The following MORC1 variants were observed in gnomAD, a reference collection of about 807,000 sequenced individuals.
MORC1 encodes MORC family CW-type zinc finger 1.
Under a neutral mutation model 134.9 loss-of-function variants are expected in MORC1, and 59 were observed. That is an observed-to-expected ratio of 0.44 (90% CI 0.35 to 0.54). MORC1 has a LOEUF of 0.54. Among genes scored for constraint, MORC1 ranks in the 20% least tolerant of loss-of-function variants. MORC1 has a pLI of 0.00. For synonymous variants in MORC1, 395 were observed against 391.7 expected, an observed-to-expected ratio of 1.01 and a Z score of -0.10; for missense variants, 947 against 1,134.5, an observed-to-expected ratio of 0.83 and a Z score of 2.37.
intron 23 of MORC1, among the ~76,000 whole-genome samples, chr3:108,982,740 A>G (rs1338770950): frequency 6.8e-6 from 1 of 147,276 alleles, no homozygotes; most frequent in African/African-American, 2.5e-5. Context: ...AAAAAAAAAA[A>G]AGAAGAAGAA....
chr3:109,007,018 T>A lies in MORC1; in HGVS notation c.1767+11A>T. Reference sequence around the variant, plus strand: ...TGACACAAATTGCTTAATCCTATATTAATTACTCACCTTATGTGCTGAAGT... The same window carrying A: ...TGACACAAATTGCTTAATCCTATATAAATTACTCACCTTATGTGCTGAAGT... On this transcript the variant is annotated intron_variant, in intron 18 of 27. Coordinates refer to ENST00000232603, the MANE Select transcript of MORC1 (RefSeq NM_014429.4). 6.2e-7 allele frequency: 1 copy of A among 1,603,134 alleles called. No individual in the cohort carries two copies. Among genetic ancestry groups the A allele is most frequent in the Non-Finnish European group, 8.5e-7 (1 of 1,173,170 alleles).
At chr3:109,010,322 T>G (rs13093779) in intron 17 of MORC1, among the ~76,000 whole-genome samples, 3,470 of 152,314 alleles carry the variant, frequency 0.023, 61 homozygotes, top group Middle Eastern at 0.11. Context: ...ATTTCATTTC[T>G]TCTGTTTAAG....
chr3:109,049,716 T>C (rs936409081), intron 14 of MORC1, among the ~76,000 whole-genome samples: 1 of 152,140 alleles, frequency 6.6e-6, no homozygotes, highest in African/African-American at 2.4e-5. Flanking sequence ...AAAACTTTAA[T>C]GGTAAGGGGG....
chr3:108,987,857 A>G (rs936996587), intron 21 of MORC1, among the ~76,000 whole-genome samples: 1 of 151,926 alleles, frequency 6.6e-6, no homozygotes, highest in Non-Finnish European at 1.5e-5. Flanking sequence ...AACTGTGAGA[A>G]GCTGGAGGAA....
intron 2 of MORC1, 69 bp downstream of exon 2, chr3:109,114,315 C>T (rs1576760684): frequency 3.8e-6 from 5 of 1,311,770 alleles, no homozygotes; most frequent in South Asian, 1.4e-5. Context: ...TTTTTATCTT[C>T]CCATGTAATT....
At position 109,078,802 on chromosome 3, in the gene MORC1, T is replaced by C. The variant is rs561744379; in HGVS notation, c.690-9045A>G. Among the ~76,000 whole-genome samples the C allele has an allele frequency of 5.5e-3, 829 of 151,948 alleles. 5 individuals are homozygous for C. Among genetic ancestry groups the C allele is most frequent in the African/African-American group, 0.019 (787 of 41,542 alleles). On this transcript the variant is annotated intron_variant, in intron 8 of 27. Coordinates refer to ENST00000232603, the MANE Select transcript of MORC1 (RefSeq NM_014429.4). Reference sequence around the variant, plus strand: ...GAAAGAGAGATGGGAGAATACATGATATAAGAAGAAAAAGTGAACAAAATC... The same window carrying C: ...GAAAGAGAGATGGGAGAATACATGACATAAGAAGAAAAAGTGAACAAAATC...
chr3:109,028,183 C>T (rs559958627), intron 16 of MORC1, among the ~76,000 whole-genome samples: 2 of 152,170 alleles, frequency 1.3e-5, no homozygotes, highest in South Asian at 2.1e-4. Flanking sequence ...TAAAATGAGG[C>T]CTTTTGCAAA....
intron 9 of MORC1, among the ~76,000 whole-genome samples, chr3:109,068,503 C>T (rs1300648341): frequency 6.6e-6 from 1 of 152,128 alleles, no homozygotes; most frequent in Non-Finnish European, 1.5e-5. Context: ...TAATAGTCTC[C>T]AATCTCATCT....
intron 21 of MORC1, among the ~76,000 whole-genome samples, chr3:108,996,286 GCACA>G (rs66629906): frequency 0.32 from 46,358 of 146,386 alleles, 7,775 homozygotes; most frequent in Non-Finnish European, 0.37. Flanking sequence ...GCGCGCGCGC[GCACA>G]CACACACACA....
Position 109,117,977 on chromosome 3 carries a change from C to T in MORC1, c.65+18G>A, listed in dbSNP as rs1951307432. 1 of 1,581,572 alleles carries T rather than the reference C, an allele frequency of 6.3e-7. No individual in the cohort carries two copies. Among genetic ancestry groups the T allele is most frequent in the East Asian group, 2.3e-5 (1 of 43,074 alleles). The stretch of plus-strand genomic sequence containing the variant: ...GCGCAGAGACCCTCCCCGACCCCGA[C>T]CCCACCTCGGCACTCACGAGTTGGC... On this transcript the variant is annotated intron_variant, in intron 1 of 27. Coordinates refer to ENST00000232603, the MANE Select transcript of MORC1 (RefSeq NM_014429.4).
intron 8 of MORC1, among the ~76,000 whole-genome samples, chr3:109,083,126 A>G (rs1950553087): frequency 6.6e-6 from 1 of 152,194 alleles, no homozygotes; most frequent in South Asian, 2.1e-4. Context: ...CAGTGAAACA[A>G]TATTTTCAAA....
intron 23 of MORC1, 64 bp from the exon 24 acceptor site, chr3:108,979,731 T>C: frequency 6.4e-7 from 1 of 1,561,808 alleles, no homozygotes; most frequent in South Asian, 1.2e-5. Flanking sequence ...AACACTAATA[T>C]ACAAAAATGA....
At chr3:109,093,014 T>C (rs1377254225) in intron 8 of MORC1, among the ~76,000 whole-genome samples, 1 of 152,230 alleles carries the variant, frequency 6.6e-6, no homozygotes, top group Non-Finnish European at 1.5e-5. Flanking sequence ...CCATTTTTAA[T>C]GATCTGTAAT....
chr3:109,004,831 G>A lies in MORC1; in HGVS notation c.2071C>T (p.Leu691=). Residue 691 remains leucine (L), a synonymous_variant, in exon 20 of 28, where the codon CTG becomes TTG. Transcript: ENST00000232603. ...CCTTTTCCCACCTGGGCATTCTTCA[G>A]GCACCCTTCAGTTGGTTGAGCTCTC... ...VWRAQPTEGC[L]KNAQAASWEM... 2.5e-6 allele frequency: 4 copies of A among 1,613,664 alleles called. No homozygotes were observed. The highest frequency in any genetic ancestry group is 3.4e-6 in the Non-Finnish European group (4 of 1,179,826).
At chr3:109,070,439 T>C (rs1040256743) in intron 8 of MORC1, among the ~76,000 whole-genome samples, 7 of 152,220 alleles carry the variant, frequency 4.6e-5, no homozygotes, top group African/African-American at 1.4e-4. Context: ...CGCCATGTCA[T>C]TGTATACTTA....
At chr3:108,994,729 A>G (rs1948152672) in intron 21 of MORC1, among the ~76,000 whole-genome samples, 1 of 151,950 alleles carries the variant, frequency 6.6e-6, no homozygotes. Context: ...GCCTCAGCAC[A>G]TTATTGCTAT....
chr3:109,027,564 A>ATC (rs71629378), intron 17 of MORC1, among the ~76,000 whole-genome samples, 187 bp downstream of exon 17: 49 of 147,716 alleles, frequency 3.3e-4, no homozygotes, highest in Non-Finnish European at 5.7e-4. Flanking sequence ...CATATACAGT[A>ATC]TTTTTTTTTT....
At chr3:109,058,246 T>C (rs1295078449) in intron 12 of MORC1, among the ~76,000 whole-genome samples, 1 of 152,196 alleles carries the variant, frequency 6.6e-6, no homozygotes, top group Non-Finnish European at 1.5e-5. Flanking sequence ...TGACCATGGA[T>C]GGTGCCTCTT....
chr3:109,036,756 C>A (rs1435108511), intron 14 of MORC1, among the ~76,000 whole-genome samples: 1 of 152,130 alleles, frequency 6.6e-6, no homozygotes, highest in East Asian at 1.9e-4. Context: ...GCTAAGCAGA[C>A]CTCACAAATT....
Sources: gnomAD v4.1 joint callset for allele counts (sites outside exome capture counted in the v4.1 genomes callset) on GRCh38, gnomAD v4.1.1 for gene constraint, MANE v1.5 for transcripts, NCBI Gene and HGNC (gene_info 2026-07-23, HGNC 2026-07-21) for gene names.